The following CFDP1 variants were observed in gnomAD, a reference collection of about 807,000 sequenced individuals.
CFDP1 encodes heterochromatin-stabilizing protein CFDP1.
Under a neutral mutation model 40.1 loss-of-function variants are expected in CFDP1, and 31 were observed. The ratio of observed to expected loss-of-function variants is 0.77; its 90% confidence interval spans 0.58 to 1.04. CFDP1 has a LOEUF of 1.04. Ranked by LOEUF, CFDP1 falls within the 50% of genes least tolerant of loss-of-function variation. The pLI, the probability that CFDP1 is intolerant of heterozygous loss-of-function variation, is 0.00. For missense variants in CFDP1, 423 were observed against 343.4 expected (o/e 1.23, Z -1.83); for synonymous variants, 167 against 120.0 (o/e 1.39, Z -2.56).
At chr16:75,341,871 C>T (rs188213092) in intron 5 of CFDP1, among the ~76,000 whole-genome samples, 2 of 152,288 alleles carry the variant, frequency 1.3e-5, no homozygotes, top group Admixed American at 6.5e-5. Flanking sequence ...AAAAGTAACT[C>T]TAGCTGGAGC....
At chr16:75,421,764 C>T (rs1417047046) in intron 1 of CFDP1, among the ~76,000 whole-genome samples, 1 of 152,088 alleles carries the variant, frequency 6.6e-6, no homozygotes, top group African/African-American at 2.4e-5. Context: ...AACTACAGAT[C>T]GATATCCCTC....
chr16:75,343,274 C>A (rs537531818), intron 5 of CFDP1, among the ~76,000 whole-genome samples: 2 of 152,084 alleles, frequency 1.3e-5, no homozygotes, highest in Admixed American at 6.6e-5. Flanking sequence ...GAACAAAATG[C>A]TGCTGGCACT....
chr16:75,382,066 G>C (rs1222928796), intron 5 of CFDP1, among the ~76,000 whole-genome samples: 2 of 150,450 alleles, frequency 1.3e-5, no homozygotes, highest in African/African-American at 4.9e-5. Flanking sequence ...AGTGAGCTGA[G>C]ATCTTGCCAC....
intron 5 of CFDP1, among the ~76,000 whole-genome samples, chr16:75,350,502 T>C (rs1021324781): frequency 1.3e-5 from 2 of 152,220 alleles, no homozygotes; most frequent in Admixed American, 1.3e-4. Context: ...TATAAGCTCT[T>C]TTAAATTAAG....
At chr16:75,333,325 G>C (rs1158524640) in intron 5 of CFDP1, among the ~76,000 whole-genome samples, 1 of 150,740 alleles carries the variant, frequency 6.6e-6, no homozygotes. Flanking sequence ...GGGTTTCACC[G>C]TGTTAGCCAG....
intron 5 of CFDP1, among the ~76,000 whole-genome samples, chr16:75,372,741 T>C (rs536089185): frequency 8.5e-5 from 13 of 152,256 alleles, no homozygotes; most frequent in African/African-American, 2.9e-4. Flanking sequence ...CAAGATGGAG[T>C]ATTAACTTTT....
chr16:75,433,414 G>A lies in CFDP1; in HGVS notation c.-62C>T. On this transcript the variant is annotated 5_prime_UTR_variant, in exon 1 of 7. Transcript: ENST00000283882. ...CGCAGCAGCCGCCTCCAACGGCAAA[G>A]CTCTAGGGAGAGACCATAGAGCCCC... is the stretch of plus-strand genomic sequence containing the variant. 6.7e-7 allele frequency: 1 copy of A among 1,503,406 alleles called. No homozygotes were observed. Among genetic ancestry groups the A allele is most frequent in the Non-Finnish European group, 9.0e-7 (1 of 1,108,022 alleles). 93.1% of individuals were successfully genotyped at this position (1,503,406 alleles called of 1,614,324 possible). A position where few individuals can be genotyped will look rare whatever the true frequency, so the allele number is the denominator to read the frequency against.
chr16:75,392,905 C>T (rs186401033), intron 5 of CFDP1, among the ~76,000 whole-genome samples: 93 of 152,342 alleles, frequency 6.1e-4, no homozygotes, highest in Admixed American at 1.6e-3. Flanking sequence ...AATCCTCTTC[C>T]TCCATAGGTT....
intron 5 of CFDP1, among the ~76,000 whole-genome samples, chr16:75,367,792 C>CAAAAAA (rs36057090): frequency 2.8e-5 from 3 of 105,602 alleles, no homozygotes; most frequent in African/African-American, 1.1e-4. Context: ...CACTCCATCT[C>CAAAAAA]AAAAAAAAAA....
chr16:75,377,986 A>T (rs1023388136), intron 5 of CFDP1, among the ~76,000 whole-genome samples: 3 of 152,198 alleles, frequency 2.0e-5, no homozygotes, highest in Admixed American at 1.3e-4. Flanking sequence ...AATCCCTTAG[A>T]TACATTTTAA....
chr16:75,376,424 C>T (rs1340520559), intron 5 of CFDP1, among the ~76,000 whole-genome samples: 1 of 152,148 alleles, frequency 6.6e-6, no homozygotes, highest in Non-Finnish European at 1.5e-5. Flanking sequence ...CACTGATATA[C>T]ACAGCAACAT....
At chr16:75,416,461 A>AT (rs918149770) in intron 1 of CFDP1, among the ~76,000 whole-genome samples, 9 of 113,354 alleles carry the variant, frequency 7.9e-5, no homozygotes, top group African/African-American at 2.3e-4. Flanking sequence ...GATAAAAGAG[A>AT]TTTAAAAAAA....
intron 5 of CFDP1, among the ~76,000 whole-genome samples, chr16:75,310,419 A>T (rs1354868766): frequency 6.6e-6 from 1 of 152,228 alleles, no homozygotes; most frequent in Non-Finnish European, 1.5e-5. Flanking sequence ...GAAACTCAGA[A>T]AAGTAAAAGA....
chr16:75,359,085 T>C (rs2078664936), intron 5 of CFDP1, among the ~76,000 whole-genome samples: 1 of 152,210 alleles, frequency 6.6e-6, no homozygotes, highest in South Asian at 2.1e-4. Context: ...ATTTTCTTTA[T>C]ATAATTCAGC....
At chr16:75,431,120 G>A (rs1158911059) in intron 1 of CFDP1, among the ~76,000 whole-genome samples, 1 of 151,968 alleles carries the variant, frequency 6.6e-6, no homozygotes, top group Non-Finnish European at 1.5e-5. Context: ...ATACGGTTCA[G>A]CTGTCAACAT....
At chr16:75,330,939 A>G (rs1457085379) in intron 5 of CFDP1, among the ~76,000 whole-genome samples, 1 of 149,912 alleles carries the variant, frequency 6.7e-6, no homozygotes, top group African/African-American at 2.5e-5. Flanking sequence ...TCCTTATGAT[A>G]AAATGAAGCA....
intron 5 of CFDP1, among the ~76,000 whole-genome samples, chr16:75,330,077 G>C (rs115811179): frequency 7.9e-4 from 120 of 152,312 alleles, no homozygotes; most frequent in African/African-American, 2.8e-3. Flanking sequence ...GATTCTCAGG[G>C]AACAGAGTCC....
chr16:75,299,509 G>A (rs997820847), intron 6 of CFDP1, among the ~76,000 whole-genome samples: 2 of 151,872 alleles, frequency 1.3e-5, no homozygotes, highest in African/African-American at 4.8e-5. Flanking sequence ...GCAGGAGAAT[G>A]GCGTGAACCC....
At chr16:75,346,582 C>CAAAGAAAAAAAAAAAAAAA (rs2078566798) in intron 5 of CFDP1, among the ~76,000 whole-genome samples, 1 of 59,328 alleles carries the variant, frequency 1.7e-5, no homozygotes, top group African/African-American at 7.4e-5. Flanking sequence ...GACTCTGTCT[C>CAAAGAAAAAAAAAAAAAAA]AAAAAAAAAA....
Sources: gnomAD v4.1 joint callset for allele counts (sites outside exome capture counted in the v4.1 genomes callset) on GRCh38, gnomAD v4.1.1 for gene constraint, MANE v1.5 for transcripts, NCBI Gene and HGNC (gene_info 2026-07-23, HGNC 2026-07-21) for gene names.